AGBL1: variants seen among roughly 807,000 people sequenced by gnomAD.
AGBL1 encodes cytosolic carboxypeptidase 4.
AGBL1 carries 130 observed loss-of-function variants against 118.9 expected under a neutral mutation model. The ratio of observed to expected loss-of-function variants is 1.09; its 90% confidence interval spans 0.95 to 1.26. The LOEUF is 1.26. Ranked by LOEUF, AGBL1 falls within the 50% of genes most tolerant of loss-of-function variation. The probability of loss-of-function intolerance (pLI) is 0.00; values close to 1 mark genes in which losing one functional copy is unlikely to be tolerated. For synonymous variants in AGBL1, 555 were observed against 478.9 expected (o/e 1.16, Z -2.08); for missense variants, 1,584 against 1,298.1 (o/e 1.22, Z -3.38).
chr15:86,569,595 G>C (rs1033474102), intron 21 of AGBL1, among the ~76,000 whole-genome samples: 1 of 152,124 alleles, frequency 6.6e-6, no homozygotes, highest in African/African-American at 2.4e-5. Context: ...AGCACACTAT[G>C]AGCAGTTTAT....
At chr15:86,221,149 G>C (rs988649385) in intron 5 of AGBL1, among the ~76,000 whole-genome samples, 1 of 152,100 alleles carries the variant, frequency 6.6e-6, no homozygotes, top group African/African-American at 2.4e-5. Context: ...AGTGAGCTGA[G>C]ATTGTACAAC....
chr15:86,375,300 T>C (rs111671811), intron 17 of AGBL1, among the ~76,000 whole-genome samples: 11 of 152,282 alleles, frequency 7.2e-5, no homozygotes, highest in African/African-American at 2.4e-4. Flanking sequence ...AGGCACCTTC[T>C]TCACAAGTCG....
chr15:86,357,726 C>G (rs756252835), intron 17 of AGBL1, among the ~76,000 whole-genome samples: 1 of 152,084 alleles, frequency 6.6e-6, no homozygotes, highest in Non-Finnish European at 1.5e-5. Context: ...AAATAATGTT[C>G]CCTTAACTCT....
intron 1 of AGBL1, among the ~76,000 whole-genome samples, chr15:86,126,022 A>C (rs1460809475): frequency 6.6e-6 from 1 of 151,404 alleles, no homozygotes; most frequent in Non-Finnish European, 1.5e-5. Flanking sequence ...ATTGCCAAAC[A>C]TTCATGGCTT....
At chr15:86,326,832 C>A (rs78401631) in intron 17 of AGBL1, among the ~76,000 whole-genome samples, 2 of 152,042 alleles carry the variant, frequency 1.3e-5, no homozygotes, top group Non-Finnish European at 2.9e-5. Context: ...CTGAAAGAAG[C>A]TAGAAGGGGG....
In AGBL1 at chr15:86,674,261, T is replaced by C; in HGVS notation, c.2995-12T>C. 6.2e-7 allele frequency: 1 copy of C among 1,603,392 alleles called. No individual in the cohort carries two copies. Among genetic ancestry groups the C allele is most frequent in the Non-Finnish European group, 8.5e-7 (1 of 1,173,110 alleles). On this transcript the variant is annotated splice_polypyrimidine_tract_variant and intron_variant, in intron 21 of 22. Coordinates refer to ENST00000614907, the MANE Select transcript of AGBL1 (RefSeq NM_001386094.1). ...ATACGTTGCCACAGTTAATGCTTTG[T>C]TTAACTGGCAGGGTCTACAGTTTGG... is the stretch of plus-strand genomic sequence containing the variant.
At chr15:86,924,838 G>A (rs1357305981) in intron 23 of AGBL1, among the ~76,000 whole-genome samples, 3 of 152,050 alleles carry the variant, frequency 2.0e-5, no homozygotes, top group Non-Finnish European at 4.4e-5. Context: ...CACTTTGGGA[G>A]GCTGAGGAGG....
At chr15:86,896,752 A>G (rs1352386631) in intron 22 of AGBL1, among the ~76,000 whole-genome samples, 1 of 152,010 alleles carries the variant, frequency 6.6e-6, no homozygotes, top group Non-Finnish European at 1.5e-5. Context: ...TCACCTTTCC[A>G]TTGACAAGAT....
chr15:86,962,282 T>C (rs911509112), intron 23 of AGBL1, among the ~76,000 whole-genome samples: 1 of 151,958 alleles, frequency 6.6e-6, no homozygotes, highest in Non-Finnish European at 1.5e-5. Context: ...GGAGAGAGGA[T>C]TTTTGGTGGA....
chr15:86,601,917 A>G (rs972759157), intron 21 of AGBL1, among the ~76,000 whole-genome samples: 1 of 152,188 alleles, frequency 6.6e-6, no homozygotes, highest in African/African-American at 2.4e-5. Context: ...GCCAGATCCC[A>G]GGGCTCTTGG....
chr15:86,678,330 T>A (rs1210578667), intron 22 of AGBL1, among the ~76,000 whole-genome samples: 1 of 152,184 alleles, frequency 6.6e-6, no homozygotes, highest in African/African-American at 2.4e-5. Context: ...CACTTGTTCC[T>A]ATTTTAAAAC....
intron 21 of AGBL1, among the ~76,000 whole-genome samples, chr15:86,644,914 G>A (rs1370440578): frequency 6.6e-6 from 1 of 151,254 alleles, no homozygotes; most frequent in East Asian, 1.9e-4. Flanking sequence ...CCAGGTACTC[G>A]GGAGGCTGAG....
At chr15:86,214,767 A>G (rs2078157264) in intron 5 of AGBL1, among the ~76,000 whole-genome samples, 1 of 152,190 alleles carries the variant, frequency 6.6e-6, no homozygotes, top group Non-Finnish European at 1.5e-5. Flanking sequence ...GTCTCTGCTT[A>G]TGACAAGCCA....
At chr15:86,204,944 C>T (rs115680295) in intron 5 of AGBL1, among the ~76,000 whole-genome samples, 2,781 of 152,208 alleles carry the variant, frequency 0.018, 88 homozygotes, top group African/African-American at 0.064. Context: ...CCATAGTTTA[C>T]ATCAGAGCTG....
intron 17 of AGBL1, among the ~76,000 whole-genome samples, chr15:86,303,088 C>G (rs74364937): frequency 0.011 from 1,711 of 152,228 alleles, 32 homozygotes; most frequent in African/African-American, 0.037. Context: ...GAAGCATTTA[C>G]GTCTTAGACT....
chr15:86,853,024 A>G (rs1011945047), intron 22 of AGBL1, among the ~76,000 whole-genome samples: 1 of 151,884 alleles, frequency 6.6e-6, no homozygotes, highest in Non-Finnish European at 1.5e-5. Flanking sequence ...CTCTGCTGCA[A>G]TTAGAATCAC....
At position 86,354,372 on chromosome 15, in the gene AGBL1, G is replaced by A. The variant is rs554554960; in HGVS notation, c.2375-42994G>A. On this transcript the variant is annotated intron_variant, in intron 17 of 22. Transcript: ENST00000614907. ...TCAAAGACAAGTCTTTAACGTCTTGGATAAGAGACAGACCAATTGGCATGG... is the reference window on the plus strand; with the variant it reads ...TCAAAGACAAGTCTTTAACGTCTTGAATAAGAGACAGACCAATTGGCATGG... Among the ~76,000 whole-genome samples the A allele has an allele frequency of 1.3e-4, 20 of 152,316 alleles. No individual in the cohort carries two copies. The South Asian group carries it at 3.9e-3, about 30-fold the overall frequency.
chr15:86,623,172 C>A (rs1311351366), intron 21 of AGBL1, among the ~76,000 whole-genome samples: 1 of 152,192 alleles, frequency 6.6e-6, no homozygotes, highest in African/African-American at 2.4e-5. Context: ...GGTGGGGACC[C>A]CTGTTCTAGA....
At chr15:86,148,605 C>A (rs577181669) in intron 3 of AGBL1, among the ~76,000 whole-genome samples, 1 of 152,248 alleles carries the variant, frequency 6.6e-6, no homozygotes, top group African/African-American at 2.4e-5. Context: ...TGAACAAAGC[C>A]TCCAAGAAAT....
Sources: gnomAD v4.1 joint callset for allele counts (sites outside exome capture counted in the v4.1 genomes callset) on GRCh38, gnomAD v4.1.1 for gene constraint, MANE v1.5 for transcripts, NCBI Gene and HGNC (gene_info 2026-07-23, HGNC 2026-07-21) for gene names.